The following FAM227A variants were observed in gnomAD, a reference collection of about 807,000 sequenced individuals.
FAM227A encodes the protein family with sequence similarity 227 member A, also known as protein FAM227A.
FAM227A carries 80 observed loss-of-function variants against 74.7 expected under a neutral mutation model. The ratio of observed to expected loss-of-function variants is 1.07; its 90% confidence interval spans 0.89 to 1.29. The LOEUF is 1.29. Ranked by LOEUF, FAM227A falls within the 50% of genes most tolerant of loss-of-function variation. The probability of loss-of-function intolerance (pLI) is 0.00; values close to 1 mark genes in which losing one functional copy is unlikely to be tolerated. For synonymous variants in FAM227A, 237 were observed against 241.8 expected, an observed-to-expected ratio of 0.98 and a Z score of 0.19; for missense variants, 654 against 683.4, an observed-to-expected ratio of 0.96 and a Z score of 0.48.
At chr22:38,650,324 T>C in intron 1 of FAM227A, 62 bp from the exon 2 acceptor site, 1 of 663,664 alleles carries the variant, frequency 1.5e-6, no homozygotes, top group Non-Finnish European at 2.5e-6. Context: ...CCCAACCATG[T>C]TCCCCAGCTA....
intron 3 of FAM227A, among the ~76,000 whole-genome samples, chr22:38,643,357 G>C (rs1281229785): frequency 1.3e-5 from 2 of 150,504 alleles, no homozygotes; most frequent in Non-Finnish European, 3.0e-5. Context: ...GCTAAAGGTT[G>C]AACAGACACC....
chr22:38,648,294 G>A (rs549869155), intron 2 of FAM227A, among the ~76,000 whole-genome samples: 32 of 146,020 alleles, frequency 2.2e-4, no homozygotes, highest in African/African-American at 8.2e-4. Context: ...AAGAGGCAAG[G>A]TCAACTTGAT....
chr22:38,642,644 T>C (rs771169195), intron 3 of FAM227A, among the ~76,000 whole-genome samples: 20 of 152,296 alleles, frequency 1.3e-4, no homozygotes, highest in Non-Finnish European at 2.6e-4. Context: ...TTACCCAAAA[T>C]ATTCAAAGAG....
intron 11 of FAM227A, among the ~76,000 whole-genome samples, chr22:38,609,042 C>T (rs955989508): frequency 6.6e-6 from 1 of 152,082 alleles, no homozygotes; most frequent in African/African-American, 2.4e-5. Context: ...ATCTGCCCAA[C>T]TTGGCCTCTC....
chr22:38,633,640 C>G (rs1294188208), intron 6 of FAM227A, among the ~76,000 whole-genome samples: 1 of 152,162 alleles, frequency 6.6e-6, no homozygotes, highest in African/African-American at 2.4e-5. Context: ...CTCCCGGGTT[C>G]AAGCAATTCT....
Position 38,635,428 on chromosome 22 carries a change from T to C in FAM227A, c.519+1023A>G, listed in dbSNP as rs541169057. ...AGAGCTGCTTTGGGGACAAGAGTTA[T>C]GTGATGAAGAGCCATGAGGCACAGC... On this transcript the variant is annotated intron_variant, in intron 6 of 16. Transcript: ENST00000535113. Among the ~76,000 whole-genome samples the C allele has an allele frequency of 2.2e-4, 34 of 152,072 alleles. 2 individuals carry two copies. In the South Asian group the frequency reaches 6.4e-3, roughly 29 times the overall value.
In FAM227A at chr22:38,628,896, AAG is replaced by A. The variant is rs775549517; in HGVS notation, c.557_558del (p.Ser186PhefsTer11). ...CSGRELEKFL[S>X]SSSPRAIWLD... ...AGCCAGATGGCTCTTGGAGAAGAAG[AAG>A]AGAGAAACTTCTCTAATTCTCTACC... On this transcript the variant is annotated frameshift_variant, in exon 7 of 17. Transcript: ENST00000535113. LOFTEE classifies it high-confidence loss of function. 8 of 1,546,058 alleles carry A rather than the reference AAG, an allele frequency of 5.2e-6. No homozygotes were observed. Among genetic ancestry groups the A allele is most frequent in the Non-Finnish European group, 7.0e-6 (8 of 1,144,102 alleles).
intron 13 of FAM227A, among the ~76,000 whole-genome samples, chr22:38,602,890 T>C (rs373157799): frequency 3.3e-5 from 5 of 152,094 alleles, no homozygotes; most frequent in Admixed American, 6.6e-5. Context: ...GTTGTTGTTT[T>C]TGAGATGGAG....
At chr22:38,608,430 AG>A (rs1327934041) in intron 11 of FAM227A, among the ~76,000 whole-genome samples, 6 of 151,476 alleles carry the variant, frequency 4.0e-5, no homozygotes, top group African/African-American at 1.5e-4. Flanking sequence ...CTAAGTCCTC[AG>A]GGATTCTTTT....
intron 11 of FAM227A, 128 bp downstream of exon 11, chr22:38,620,084 G>A (rs1293712780): frequency 3.4e-5 from 22 of 646,236 alleles, no homozygotes; most frequent in Non-Finnish European, 5.4e-5. Context: ...CTTAGAAGAT[G>A]GAGTGGACCT....
chr22:38,618,737 T>A (rs150025781), intron 11 of FAM227A, among the ~76,000 whole-genome samples: 1 of 152,140 alleles, frequency 6.6e-6, no homozygotes, highest in Non-Finnish European at 1.5e-5. Flanking sequence ...AGACCAGGGG[T>A]TAGCAAACTT....
chr22:38,601,509 G>A (rs1471732845), intron 13 of FAM227A, among the ~76,000 whole-genome samples: 1 of 152,142 alleles, frequency 6.6e-6, no homozygotes, highest in African/African-American at 2.4e-5. Context: ...TTTTTCTAAG[G>A]GTCATGGAAG....
At chr22:38,618,893 T>C (rs2091629723) in intron 11 of FAM227A, among the ~76,000 whole-genome samples, 1 of 152,016 alleles carries the variant, frequency 6.6e-6, no homozygotes, top group Non-Finnish European at 1.5e-5. Context: ...TAAAGCTTTA[T>C]TTTCAAAAAC....
At chr22:38,620,361 T>C in intron 10 of FAM227A, 70 bp from the exon 11 acceptor site, 2 of 1,226,212 alleles carry the variant, frequency 1.6e-6, no homozygotes, top group East Asian at 2.5e-5. Flanking sequence ...CCCAGGAGCT[T>C]GAGACAGCCT....
Position 38,613,286 on chromosome 22 carries a change from TAA to T in FAM227A, c.1039-5812_1039-5811del, listed in dbSNP as rs1427184202. 5.4e-5 allele frequency among the ~76,000 whole-genome samples: 4 copies of T among 74,326 alleles called. 1 individual carries two copies. The highest frequency in any genetic ancestry group is 6.4e-4 in the East Asian group (2 of 3,124). The allele number at this position is 74,326 out of a possible 152,430, so 48.8% of individuals were successfully genotyped here. A position where few individuals can be genotyped will look rare whatever the true frequency, so the allele number is the denominator to read the frequency against. ...TATAACATATATTATATATCATATA[TAA>T]TATATATCATATATAATATATAACA... On this transcript the variant is annotated intron_variant, in intron 11 of 16. Coordinates refer to ENST00000535113, the MANE Select transcript of FAM227A (RefSeq NM_001013647.2).
chr22:38,610,627 C>T (rs920515086), intron 11 of FAM227A, among the ~76,000 whole-genome samples: 7 of 152,062 alleles, frequency 4.6e-5, no homozygotes, highest in African/African-American at 1.7e-4. Flanking sequence ...AAAGAAAACC[C>T]GAACATGGGA....
intron 14 of FAM227A, 111 bp downstream of exon 14, chr22:38,599,653 G>A: frequency 2.0e-6 from 2 of 984,142 alleles, no homozygotes; most frequent in Non-Finnish European, 2.8e-6. Flanking sequence ...AGTACACATG[G>A]TGTGCCAGGC....
At chr22:38,643,005 AAAT>A (rs2145693221) in intron 3 of FAM227A, among the ~76,000 whole-genome samples, 1 of 151,922 alleles carries the variant, frequency 6.6e-6, no homozygotes, top group Admixed American at 6.6e-5. Flanking sequence ...AACAATAAGA[AAAT>A]AACCTGATTT....
chr22:38,629,521 A>G (rs2091874904), intron 6 of FAM227A, among the ~76,000 whole-genome samples: 1 of 152,250 alleles, frequency 6.6e-6, no homozygotes, highest in African/African-American at 2.4e-5. Flanking sequence ...TATTTTCCAC[A>G]ATCTATGTGG....
Sources: allele counts gnomAD v4.1 joint callset (sites outside exome capture counted in the v4.1 genomes callset), GRCh38; gene constraint gnomAD v4.1.1; transcripts MANE v1.5; gene names NCBI Gene and HGNC (gene_info 2026-07-23, HGNC 2026-07-21).